Variants in ACER3 observed in about 807,000 individuals in gnomAD.
The protein encoded by ACER3 is alkCDase 3.
A neutral mutation model predicts 48.9 loss-of-function variants in ACER3; 16 were observed. That is an observed-to-expected ratio of 0.33 (90% CI 0.22 to 0.50). The LOEUF (loss-of-function observed/expected upper bound fraction) is 0.50. Ranked by LOEUF, ACER3 falls within the 20% of genes least tolerant of loss-of-function variation. The pLI is 0.98. For synonymous variants in ACER3, 109 were observed against 107.8 expected (o/e 1.01, Z -0.07); for missense variants, 227 against 326.0 (o/e 0.70, Z 2.34).
intron 4 of ACER3, among the ~76,000 whole-genome samples, chr11:76,978,239 G>A (rs927490026): frequency 3.9e-5 from 6 of 152,208 alleles, no homozygotes; most frequent in African/African-American, 1.2e-4. Context: ...GGGCCAGGCT[G>A]TCATTTCCGG....
intron 3 of ACER3, among the ~76,000 whole-genome samples, chr11:76,973,100 A>G (rs1317660900): frequency 6.6e-6 from 1 of 152,210 alleles, no homozygotes; most frequent in African/African-American, 2.4e-5. Context: ...GGCCAGGCCC[A>G]TGGAGCAGAG....
At chr11:76,911,970 G>A (rs1946389507) in intron 1 of ACER3, among the ~76,000 whole-genome samples, 1 of 152,030 alleles carries the variant, frequency 6.6e-6, no homozygotes. Flanking sequence ...TCTACCCTAG[G>A]GAATTCATCC....
chr11:76,883,060 T>C (rs183965484), intron 1 of ACER3, among the ~76,000 whole-genome samples: 1 of 152,348 alleles, frequency 6.6e-6, no homozygotes, highest in Admixed American at 6.5e-5. Flanking sequence ...CTGTTTCTTA[T>C]GTACTGTGTC....
At chr11:77,018,401 G>C (rs568816464) in intron 9 of ACER3, among the ~76,000 whole-genome samples, 15 of 152,298 alleles carry the variant, frequency 9.8e-5, no homozygotes, top group African/African-American at 3.6e-4. Context: ...AATTCCCTAA[G>C]AGAAAGCAAA....
chr11:76,983,608 C>T (rs895704510), intron 4 of ACER3, among the ~76,000 whole-genome samples: 1 of 152,116 alleles, frequency 6.6e-6, no homozygotes, highest in Admixed American at 6.5e-5. Flanking sequence ...AGCCACTGCA[C>T]TTGACCACAG....
intron 4 of ACER3, among the ~76,000 whole-genome samples, chr11:76,976,847 T>G: frequency 1.3e-5 from 2 of 152,336 alleles, no homozygotes. Flanking sequence ...TTTTGATTGG[T>G]TATTTACAAA....
intron 7 of ACER3, 37 bp downstream of exon 7, chr11:76,998,858 A>G (rs933217522): frequency 1.3e-6 from 2 of 1,489,866 alleles, no homozygotes; most frequent in Non-Finnish European, 1.8e-6. Flanking sequence ...TGACTGAAGT[A>G]TATTCAGACC....
intron 3 of ACER3, among the ~76,000 whole-genome samples, chr11:76,960,358 A>T (rs1348644712): frequency 2.0e-5 from 3 of 151,968 alleles, no homozygotes; most frequent in Non-Finnish European, 4.4e-5. Context: ...GCAGTAAGCC[A>T]AGATCACGCC....
chr11:76,976,112 C>T (rs1364328111), intron 3 of ACER3, among the ~76,000 whole-genome samples, 177 bp from the exon 4 acceptor site: 1 of 152,052 alleles, frequency 6.6e-6, no homozygotes, highest in Admixed American at 6.6e-5. Flanking sequence ...ATCTCAAACA[C>T]CTAAGTTCAA....
chr11:76,955,859 C>T (rs373532238), intron 2 of ACER3, among the ~76,000 whole-genome samples: 52 of 152,146 alleles, frequency 3.4e-4, no homozygotes, highest in African/African-American at 1.1e-3. Context: ...TATTATTATT[C>T]GTCCATAAAA....
intron 2 of ACER3, among the ~76,000 whole-genome samples, chr11:76,952,745 T>G (rs986432507): frequency 6.8e-6 from 1 of 147,092 alleles, no homozygotes; most frequent in Non-Finnish European, 1.5e-5. Flanking sequence ...CAACTCACTG[T>G]AACCTCCGCC....
At chr11:76,881,254 CAAA>C (rs5792745) in intron 1 of ACER3, among the ~76,000 whole-genome samples, 6 of 116,474 alleles carry the variant, frequency 5.2e-5, no homozygotes, top group Non-Finnish European at 5.2e-5. Context: ...GATAATGTCT[CAAA>C]AAAAAAAAAA....
intron 1 of ACER3, among the ~76,000 whole-genome samples, chr11:76,865,132 C>T (rs1945042420): frequency 7.6e-6 from 1 of 132,106 alleles, no homozygotes; most frequent in South Asian, 2.5e-4. Context: ...CCACCATGCC[C>T]AGCTAATTTT....
chr11:76,989,475 C>G (rs1276115537), intron 5 of ACER3, among the ~76,000 whole-genome samples: 1 of 152,066 alleles, frequency 6.6e-6, no homozygotes, highest in Non-Finnish European at 1.5e-5. Context: ...TGACTGGTTG[C>G]TTCCGCTGTA....
At chr11:76,941,760 G>C (rs926919120) in intron 2 of ACER3, among the ~76,000 whole-genome samples, 1 of 151,962 alleles carries the variant, frequency 6.6e-6, no homozygotes, top group Non-Finnish European at 1.5e-5. Context: ...TCATTTTAAT[G>C]ATATTAATTC....
chr11:76,931,639 G>A (rs1947001570), intron 2 of ACER3, among the ~76,000 whole-genome samples: 2 of 152,206 alleles, frequency 1.3e-5, no homozygotes, highest in South Asian at 4.2e-4. Flanking sequence ...CTTCCTTCAG[G>A]AGCTCTTTTA....
Position 76,896,929 on chromosome 11 carries a change from G to T in ACER3, c.104-29628G>T, listed in dbSNP as rs767511117. On this transcript the variant is annotated intron_variant, in intron 1 of 10. Transcript: ENST00000532485. Reference sequence around the variant, plus strand: ...ATGTAGTTGTTGAAGGGAGTTTTTTGTTGTTGTTGTTGTTGTTGTTGGTTT... The same window carrying T: ...ATGTAGTTGTTGAAGGGAGTTTTTTTTTGTTGTTGTTGTTGTTGTTGGTTT... Among the ~76,000 whole-genome samples the T allele has an allele frequency of 2.0e-3, 302 of 151,556 alleles. 1 individual carries two copies. Among genetic ancestry groups the T allele is most frequent in the Non-Finnish European group, 2.3e-3 (158 of 67,802 alleles).
intron 1 of ACER3, among the ~76,000 whole-genome samples, chr11:76,879,788 T>C (rs969916988): frequency 1.3e-5 from 2 of 152,328 alleles, no homozygotes; most frequent in Non-Finnish European, 2.9e-5. Context: ...CCTTTTTATG[T>C]GTTGCTGGAT....
At chr11:76,898,371 G>A (rs1039327526) in intron 1 of ACER3, among the ~76,000 whole-genome samples, 1 of 152,160 alleles carries the variant, frequency 6.6e-6, no homozygotes, top group South Asian at 2.1e-4. Context: ...ATAGAGGAAG[G>A]TTTTGTTTGT....
Sources: allele counts gnomAD v4.1 joint callset (sites outside exome capture counted in the v4.1 genomes callset), GRCh38; gene constraint gnomAD v4.1.1; transcripts MANE v1.5; gene names NCBI Gene and HGNC (gene_info 2026-07-23, HGNC 2026-07-21).